The following MYO7B variants were observed in gnomAD, a reference collection of about 807,000 sequenced individuals.
The protein encoded by MYO7B is myosin VIIB.
MYO7B carries 212 observed loss-of-function variants against 259.7 expected under a neutral mutation model. The observed-to-expected ratio is 0.82, with a 90% CI of 0.73 to 0.91. The LOEUF (loss-of-function observed/expected upper bound fraction) is 0.91, where lower values mean the gene tolerates loss of function less well. Among genes scored for constraint, MYO7B ranks in the 40% least tolerant of loss-of-function variants. The pLI is 0.00. For synonymous variants in MYO7B, 1,197 were observed against 1,166.4 expected (o/e 1.03, Z -0.54); for missense variants, 2,732 against 2,813.5 (o/e 0.97, Z 0.66).
At chr2:127,575,196 A>G (rs1459401976) in intron 7 of MYO7B, among the ~76,000 whole-genome samples, 2 of 152,192 alleles carry the variant, frequency 1.3e-5, no homozygotes, top group East Asian at 1.9e-4. Flanking sequence ...CTTCACAACC[A>G]TGAGAGGTAG....
At chr2:127,623,092 T>C in intron 28 of MYO7B, 110 bp from the exon 29 acceptor site, 1 of 1,328,668 alleles carries the variant, frequency 7.5e-7, no homozygotes, top group Non-Finnish European at 1.0e-6. Flanking sequence ...ACCCACGGGA[T>C]GGCAAGCAGG....
chr2:127,597,494 G>A lies in MYO7B; in HGVS notation c.2339+938G>A, dbSNP rs934943864. ...ACCTCTAACCTGTTCTACATTTCTA[G>A]AATGTTGCCATTGCACAAATGTTAT... On this transcript the variant is annotated intron_variant, in intron 19 of 47. Transcript: ENST00000409816. This position sits in a 1 kb window ranked among gnomAD's most constrained non-coding sequence, Gnocchi z 4.8. Among the ~76,000 whole-genome samples the A allele has an allele frequency of 1.2e-4, 18 of 152,106 alleles. No homozygotes were observed. The highest frequency in any genetic ancestry group is 4.1e-4 in the African/African-American group (17 of 41,412).
intron 26 of MYO7B, chr2:127,620,050 G>A: frequency 4.0e-6 from 1 of 251,706 alleles, no homozygotes. Context: ...GCTGTGCAAA[G>A]GGCGCGGCTG....
At position 127,571,442 on chromosome 2, in the gene MYO7B, G is replaced by GTTTTTTTTTTTTT; in HGVS notation, c.592+1537_592+1549dup. 1.5e-3 allele frequency among the ~76,000 whole-genome samples: 61 copies of GTTTTTTTTTTTTT among 41,926 alleles called. 2 individuals carry two copies. Among genetic ancestry groups the GTTTTTTTTTTTTT allele is most frequent in the African/African-American group, 2.8e-3 (35 of 12,310 alleles). The allele number at this position is 41,926 out of a possible 152,430, so 27.5% of individuals were successfully genotyped here. Reference sequence around the variant, plus strand: ...AATTGGTCTATTTCCTTACCAGTGAGTTTTTTTTTTTTTTTTTGCTTGTTT... The same window carrying GTTTTTTTTTTTTT: ...AATTGGTCTATTTCCTTACCAGTGAGTTTTTTTTTTTTTTTTTTTTTTTTTTTTTTGCTTGTTT... On this transcript the variant is annotated intron_variant, in intron 6 of 47. Coordinates refer to ENST00000409816, the MANE Select transcript of MYO7B (RefSeq NM_001393586.1).
chr2:127,634,766 C>A lies in MYO7B; in HGVS notation c.5713+83C>A, dbSNP rs1045887464. 1.3e-5 allele frequency: 17 copies of A among 1,266,202 alleles called. No individual in the cohort carries two copies. In the African/African-American group the frequency reaches 2.1e-4, roughly 15 times the overall value. The allele number at this position is 1,266,202 out of a possible 1,614,324, so 78.4% of individuals were successfully genotyped here. A position where few individuals can be genotyped will look rare whatever the true frequency, so the allele number is the denominator to read the frequency against. ...TGGCGGCCTCTGTGCGGCCCATGCC[C>A]ATTCATCCATCCATTCGTTCCCGTG... On this transcript the variant is annotated intron_variant, in intron 42 of 47. Transcript: ENST00000409816.
intron 1 of MYO7B, among the ~76,000 whole-genome samples, chr2:127,554,816 G>A (rs1183903302): frequency 6.6e-6 from 1 of 152,048 alleles, no homozygotes; most frequent in Non-Finnish European, 1.5e-5. Context: ...TTAGGAGGGT[G>A]TATTTTTCCA....
At chr2:127,571,621 T>C (rs1276767988) in intron 6 of MYO7B, among the ~76,000 whole-genome samples, 2 of 151,668 alleles carry the variant, frequency 1.3e-5, no homozygotes, top group Non-Finnish European at 1.5e-5. Flanking sequence ...GCTGGAATTA[T>C]AGGCATGCAC....
intron 19 of MYO7B, among the ~76,000 whole-genome samples, chr2:127,601,271 C>T (rs1428013616): frequency 6.6e-6 from 1 of 152,174 alleles, no homozygotes; most frequent in Non-Finnish European, 1.5e-5. Context: ...TCTAAGAGCA[C>T]TTGGAAAGAA....
chr2:127,544,971 C>T (rs950121339), intron 1 of MYO7B, among the ~76,000 whole-genome samples: 5 of 152,056 alleles, frequency 3.3e-5, no homozygotes, highest in African/African-American at 7.2e-5. Context: ...ATGATCCGCC[C>T]GCCTCGACCT....
intron 1 of MYO7B, among the ~76,000 whole-genome samples, chr2:127,548,497 C>A (rs1395862436): frequency 6.6e-6 from 1 of 151,366 alleles, no homozygotes. Context: ...CTCACTGCCA[C>A]CTCTGCCTCC....
chr2:127,571,346 TA>T (rs1195565762), intron 6 of MYO7B, among the ~76,000 whole-genome samples: 1 of 151,966 alleles, frequency 6.6e-6, no homozygotes. Context: ...TCCTCATGCT[TA>T]CCTCCGCTCT....
rs140638055 is a variant in MYO7B, at chr2:127,613,678, G to C, written c.3398+1075G>C. 1.8e-4 allele frequency among the ~76,000 whole-genome samples: 28 copies of C among 152,294 alleles called. No homozygotes were observed. In the East Asian group the frequency reaches 5.4e-3, roughly 29 times the overall value. On this transcript the variant is annotated intron_variant, in intron 26 of 47. Coordinates refer to ENST00000409816, the MANE Select transcript of MYO7B (RefSeq NM_001393586.1). The surrounding 1 kb of genome is among the most constrained non-coding windows in gnomAD (Gnocchi z 4.3). Reference sequence around the variant, plus strand: ...TTTGGGTTGTATCCTGGACATTGAGGATGATACGTTAGAGACTCTGGATTC... The same window carrying C: ...TTTGGGTTGTATCCTGGACATTGAGCATGATACGTTAGAGACTCTGGATTC...
intron 1 of MYO7B, among the ~76,000 whole-genome samples, chr2:127,557,073 C>T (rs990588112): frequency 6.6e-6 from 1 of 152,092 alleles, no homozygotes; most frequent in African/African-American, 2.4e-5. Flanking sequence ...AGGCTTTGTT[C>T]ATTTTTTAAA....
At chr2:127,605,963 A>G in intron 20 of MYO7B, 35 bp downstream of exon 20, 4 of 1,539,216 alleles carry the variant, frequency 2.6e-6, no homozygotes, top group Non-Finnish European at 3.6e-6. Context: ...GGGCCGCGGG[A>G]CCAGCGGGTA....
chr2:127,544,613 C>T (rs1693145639), intron 1 of MYO7B, among the ~76,000 whole-genome samples: 1 of 140,018 alleles, frequency 7.1e-6, no homozygotes, highest in African/African-American at 2.7e-5. Context: ...TGGAGTCTCG[C>T]TCTTTCGCCC....
chr2:127,559,757 T>C lies in MYO7B; in HGVS notation c.18+17T>C. ...TTCAGGCTGGTAAGAATTGTATGAT[T>C]TGATCTAGGGGTTATTGGTGTAAGT... is the stretch of plus-strand genomic sequence containing the variant. On this transcript the variant is annotated intron_variant, in intron 2 of 47. Coordinates refer to ENST00000409816, the MANE Select transcript of MYO7B (RefSeq NM_001393586.1). This position sits in a 1 kb window ranked among gnomAD's most constrained non-coding sequence, Gnocchi z 4.1. The C allele has an allele frequency of 6.2e-7, 1 of 1,613,882 alleles. No homozygotes were observed. The highest frequency in any genetic ancestry group is 1.7e-5 in the Admixed American group (1 of 60,022).
In MYO7B at chr2:127,635,878, C is replaced by A. The variant is rs181858311; in HGVS notation, c.5977C>A (p.Arg1993Ser). The change falls in exon 44 of 48, where the codon CGC becomes AGC. Residue 1993 changes from arginine to serine, a missense_variant. Physicochemically the swap from Arg to Ser is moderately radical, Grantham distance 110. Coordinates refer to ENST00000409816, the MANE Select transcript of MYO7B (RefSeq NM_001393586.1). Reference protein sequence around the residue: ...LRELVPENLTRLMSSEEWKKS... With the variant: ...LRELVPENLTSLMSSEEWKKS... ...GGAACTGGTGCCTGAGAACCTCACA[C>A]GCCTGATGTCCTCGGAGGAGTGGAA... 6.1e-5 allele frequency: 97 copies of A among 1,580,162 alleles called. No individual in the cohort carries two copies. Among genetic ancestry groups the A allele is most frequent in the Non-Finnish European group, 8.2e-5 (95 of 1,163,608 alleles).
chr2:127,580,675 G>A lies in MYO7B; in HGVS notation c.1004-71G>A, dbSNP rs900855096. The A allele has an allele frequency of 5.1e-5, 75 of 1,461,916 alleles. 2 individuals carry two copies. In the South Asian group the frequency reaches 7.3e-4, roughly 14 times the overall value. The allele number at this position is 1,461,916 out of a possible 1,614,324, so 90.6% of individuals were successfully genotyped here. Reference sequence around the variant, plus strand: ...GTGGATCTGGGGCTGCCAAGGGCCCGGGCCAGTCGGGACCTTGCTCCCATC... The same window carrying A: ...GTGGATCTGGGGCTGCCAAGGGCCCAGGCCAGTCGGGACCTTGCTCCCATC... On this transcript the variant is annotated intron_variant, in intron 9 of 47. Coordinates refer to ENST00000409816, the MANE Select transcript of MYO7B (RefSeq NM_001393586.1).
At chr2:127,545,021 G>A (rs996269924) in intron 1 of MYO7B, among the ~76,000 whole-genome samples, 3 of 152,138 alleles carry the variant, frequency 2.0e-5, no homozygotes, top group African/African-American at 7.2e-5. Context: ...CACCGCACCC[G>A]GCCCTAACCA....
Sources: gnomAD v4.1 joint callset for allele counts (sites outside exome capture counted in the v4.1 genomes callset) on GRCh38, gnomAD v4.1.1 for gene constraint, Gnocchi (gnomAD v3.1) non-coding constraint, MANE v1.5 for transcripts, NCBI Gene and HGNC (gene_info 2026-07-23, HGNC 2026-07-21) for gene names.